Variants in PADI2 observed in about 807,000 individuals in gnomAD.
PADI2 encodes protein-arginine deiminase type-2.
PADI2 carries 70 observed loss-of-function variants against 81.1 expected under a neutral mutation model. That is an observed-to-expected ratio of 0.86 (90% CI 0.71 to 1.05). The LOEUF (loss-of-function observed/expected upper bound fraction) is 1.05. PADI2 is among the 50% of genes least tolerant of loss of function. PADI2 has a pLI of 0.00. For missense variants in PADI2, 853 were observed against 889.9 expected (o/e 0.96, Z 0.53); for synonymous variants, 338 against 358.0 (o/e 0.94, Z 0.63).
At chr1:17,081,891 T>A (rs1000192763) in intron 10 of PADI2, among the ~76,000 whole-genome samples, 1 of 152,128 alleles carries the variant, frequency 6.6e-6, no homozygotes, top group African/African-American at 2.4e-5. Context: ...GGTAAGTGGA[T>A]CATCTGGGGT....
chr1:17,107,218 G>T (rs1049722345), intron 1 of PADI2, among the ~76,000 whole-genome samples: 1 of 152,194 alleles, frequency 6.6e-6, no homozygotes, highest in Non-Finnish European at 1.5e-5. Flanking sequence ...GGGGCCTGGT[G>T]CTCTTGGGTT....
chr1:17,110,448 C>T (rs1322438755), intron 1 of PADI2, among the ~76,000 whole-genome samples: 1 of 152,098 alleles, frequency 6.6e-6, no homozygotes, highest in Non-Finnish European at 1.5e-5. Flanking sequence ...TCTTGGCTTT[C>T]CAAGCTGTAT....
Position 17,116,000 on chromosome 1 carries a change from A to G in PADI2, c.92+3280T>C, listed in dbSNP as rs890742290. ...TGGGTGGCCCAGAGCACCCCTGCCC[A>G]TGGTGGCCTGGATGACCCCTCATAG... On this transcript the variant is annotated intron_variant, in intron 1 of 15. Transcript: ENST00000375486. This position sits in a 1 kb window ranked among gnomAD's most constrained non-coding sequence, Gnocchi z 4.1. 1.3e-5 allele frequency among the ~76,000 whole-genome samples: 2 copies of G among 152,230 alleles called. No homozygotes were observed. Among genetic ancestry groups the G allele is most frequent in the Non-Finnish European group, 2.9e-5 (2 of 68,030 alleles).
At chr1:17,086,010 A>G (rs1040733201) in intron 7 of PADI2, among the ~76,000 whole-genome samples, 4 of 152,226 alleles carry the variant, frequency 2.6e-5, no homozygotes, top group Non-Finnish European at 4.4e-5. Flanking sequence ...TCCCCAAAGC[A>G]AGAGCAAGGC....
intron 5 of PADI2, 23 bp downstream of exon 5, chr1:17,093,544 C>T (rs929694201): frequency 6.9e-7 from 1 of 1,447,548 alleles, no homozygotes; most frequent in Non-Finnish European, 9.7e-7. Flanking sequence ...ATCCTGCCCC[C>T]CAAGTGCAGG....
At chr1:17,082,682 C>T (rs375682521) in intron 9 of PADI2, 30 bp from the exon 10 acceptor site, 57 of 1,356,914 alleles carry the variant, frequency 4.2e-5, no homozygotes, top group Admixed American at 1.0e-4. Context: ...AACTGTTAGA[C>T]GAATCCAGGG....
intron 6 of PADI2, among the ~76,000 whole-genome samples, chr1:17,090,581 T>TTGTGTGTGTGTG (rs3036949): frequency 0.16 from 23,213 of 142,616 alleles, 2,158 homozygotes; most frequent in Non-Finnish European, 0.22. Flanking sequence ...CGTCCTTTGC[T>TTGTGTGTGTGTG]TGTGTGTGTG....
intron 6 of PADI2, among the ~76,000 whole-genome samples, chr1:17,088,925 A>AAAAAAAAAAAAC (rs1557764604): frequency 5.6e-4 from 46 of 82,698 alleles, no homozygotes; most frequent in Middle Eastern, 8.6e-3. Flanking sequence ...AAAAAAAAAA[A>AAAAAAAAAAAAC]AAAAAACCAA....
intron 1 of PADI2, among the ~76,000 whole-genome samples, chr1:17,117,119 G>A (rs116308950): frequency 0.025 from 3,774 of 152,274 alleles, 82 homozygotes; most frequent in Non-Finnish European, 0.035. Context: ...GCAATAGTGC[G>A]AGATTGAGAA....
chr1:17,070,513 C>T (rs2078258096), intron 14 of PADI2, among the ~76,000 whole-genome samples: 1 of 152,216 alleles, frequency 6.6e-6, no homozygotes, highest in African/African-American at 2.4e-5. Context: ...CTCAGTGACC[C>T]CTCGGGCCAC....
rs1166241367 is a variant in PADI2 at position 17,119,279 on chromosome 1, C to T, written c.92+1G>A. 9 of 1,538,996 alleles carry T rather than the reference C, an allele frequency of 5.8e-6. No homozygotes were observed. Among genetic ancestry groups the T allele is most frequent in the Non-Finnish European group, 7.9e-6 (9 of 1,142,232 alleles). Reference sequence around the variant, plus strand: ...CCGGGCATCACGGTGGGCCGGCTCACCTGTAGACATCGGTCCAGAGGTAGG... The same window carrying T: ...CCGGGCATCACGGTGGGCCGGCTCATCTGTAGACATCGGTCCAGAGGTAGG... On this transcript the variant is annotated splice_donor_variant, in intron 1 of 15. Coordinates refer to ENST00000375486, the MANE Select transcript of PADI2 (RefSeq NM_007365.3). LOFTEE classifies it high-confidence loss of function. The surrounding 1 kb of genome is among the most constrained non-coding windows in gnomAD (Gnocchi z 4.8).
chr1:17,091,916 C>T (rs568094900), intron 6 of PADI2, among the ~76,000 whole-genome samples: 4 of 152,300 alleles, frequency 2.6e-5, no homozygotes, highest in African/African-American at 4.8e-5. Context: ...GAGGCAGAGC[C>T]GGCAGCTACG....
At chr1:17,069,725 GTA>G (rs1353887974) in intron 15 of PADI2, among the ~76,000 whole-genome samples, 7 of 152,282 alleles carry the variant, frequency 4.6e-5, no homozygotes, top group East Asian at 1.9e-4. Flanking sequence ...GCTCATGTGT[GTA>G]TATATGTGTC....
chr1:17,075,464 T>C (rs1413020461), intron 12 of PADI2: 1 of 487,142 alleles, frequency 2.1e-6, no homozygotes, highest in Non-Finnish European at 3.6e-6. Flanking sequence ...TCGTTAATAA[T>C]TTTTAGGCTG....
rs771528631 is a variant in PADI2 at position 17,070,197 on chromosome 1, C to T, written c.1655G>A (p.Arg552His). 58 of 1,614,020 alleles carry T rather than the reference C, an allele frequency of 3.6e-5. No individual in the cohort carries two copies. In the Middle Eastern group the frequency reaches 6.6e-4, roughly 18 times the overall value. The change falls in exon 15 of 16, where the codon CGT becomes CAT. Residue 552 changes from arginine to histidine, a missense_variant. Arg to His is a conservative substitution (Grantham distance 29). Transcript: ENST00000375486. ...TCCCAGCTCCTTCTTGAGGATGTCA[C>T]GGTTCCAGTCTAGGCAGCGCTGGGT... Reference protein sequence around the residue: ...LYFQRCLDWNRDILKKELGLT... With the variant: ...LYFQRCLDWNHDILKKELGLT...
intron 6 of PADI2, among the ~76,000 whole-genome samples, chr1:17,088,499 A>G (rs965045623): frequency 1.4e-4 from 21 of 152,160 alleles, no homozygotes; most frequent in Non-Finnish European, 3.1e-4. Context: ...CCTGTGGGAC[A>G]ATGTGCCGAA....
chr1:17,106,778 AGAGGAG>A (rs3036927), intron 1 of PADI2, among the ~76,000 whole-genome samples: 113 of 149,954 alleles, frequency 7.5e-4, no homozygotes, highest in Non-Finnish European at 1.4e-3. Flanking sequence ...GAAAGATGAG[AGAGGAG>A]GAGGAGGAGG....
At position 17,069,285 on chromosome 1, in the gene PADI2, G is replaced by A. The variant is rs889494797; in HGVS notation, c.1765-8C>T. On this transcript the variant is annotated splice_polypyrimidine_tract_variant and splice_region_variant and intron_variant, in intron 15 of 15. Coordinates refer to ENST00000375486, the MANE Select transcript of PADI2 (RefSeq NM_007365.3). ...CAGCACGATCATGTTCACCTGTGAC[G>A]GGGGATTGCGATGGCAACAGCTTCC... The A allele has an allele frequency of 1.1e-5, 17 of 1,607,880 alleles. No individual in the cohort carries two copies. The highest frequency in any genetic ancestry group is 1.7e-5 in the Admixed American group (1 of 59,984).
intron 10 of PADI2, among the ~76,000 whole-genome samples, chr1:17,079,802 T>G (rs2078330981): frequency 6.6e-6 from 1 of 151,052 alleles, no homozygotes; most frequent in Non-Finnish European, 1.5e-5. Context: ...TGTTGTTGTT[T>G]TTTTTTTTCT....
Sources: gnomAD v4.1 joint callset for allele counts (sites outside exome capture counted in the v4.1 genomes callset) on GRCh38, gnomAD v4.1.1 for gene constraint, Gnocchi (gnomAD v3.1) non-coding constraint, MANE v1.5 for transcripts, NCBI Gene and HGNC (gene_info 2026-07-23, HGNC 2026-07-21) for gene names.